CFAP54: variants seen among roughly 807,000 people sequenced by gnomAD.
CFAP54 encodes the protein cilia- and flagella-associated protein 54.
CFAP54 carries 290 observed loss-of-function variants against 370.4 expected under a neutral mutation model. That is an observed-to-expected ratio of 0.78 (90% CI 0.71 to 0.86). The LOEUF (loss-of-function observed/expected upper bound fraction) is 0.86, where lower values mean the gene tolerates loss of function less well. Among genes scored for constraint, CFAP54 ranks in the 40% least tolerant of loss-of-function variants. CFAP54 has a pLI of 0.00. For missense variants in CFAP54, 3,399 were observed against 3,528.7 expected, an observed-to-expected ratio of 0.96 and a Z score of 0.93; for synonymous variants, 1,206 against 1,236.5, an observed-to-expected ratio of 0.98 and a Z score of 0.52.
Position 96,512,979 on chromosome 12 carries a change from C to A in CFAP54, c.740-7C>A. ...AAAACATGTTAACAATCGTTTTCTC[C>A]ATCCAGGTACCATTTATATTTACAC... On this transcript the variant is annotated splice_polypyrimidine_tract_variant and splice_region_variant and intron_variant, in intron 4 of 67. Coordinates refer to ENST00000524981, the MANE Select transcript of CFAP54 (RefSeq NM_001306084.2). 2.0e-6 allele frequency: 3 copies of A among 1,505,104 alleles called. No individual in the cohort carries two copies. Among genetic ancestry groups the A allele is most frequent in the Middle Eastern group, 3.4e-4 (2 of 5,922 alleles). 93.2% of individuals were successfully genotyped at this position (1,505,104 alleles called of 1,614,324 possible).
At chr12:96,515,201 G>T (rs1209773778) in intron 5 of CFAP54, among the ~76,000 whole-genome samples, 1 of 151,924 alleles carries the variant, frequency 6.6e-6, no homozygotes, top group Non-Finnish European at 1.5e-5. Context: ...TAGAGATGGG[G>T]TTTCATCATA....
intron 46 of CFAP54, among the ~76,000 whole-genome samples, chr12:96,703,448 T>G (rs1183070832): frequency 1.3e-5 from 2 of 152,100 alleles, no homozygotes; most frequent in Non-Finnish European, 2.9e-5. Context: ...AACCTGTCCA[T>G]GGAAGCTGCT....
rs545739475 is a variant in CFAP54, at chr12:96,618,542, C to T, written c.3640-3048C>T. On this transcript the variant is annotated intron_variant, in intron 26 of 67. Transcript: ENST00000524981. Reference sequence around the variant, plus strand: ...CTTCCCTTAACATTTCCTCTGTGGACAGGAAGCAAGGTCATTTGCTGACAG... The same window carrying T: ...CTTCCCTTAACATTTCCTCTGTGGATAGGAAGCAAGGTCATTTGCTGACAG... Among the ~76,000 whole-genome samples the T allele has an allele frequency of 2.0e-3, 304 of 152,212 alleles. 2 individuals carry two copies. The highest frequency in any genetic ancestry group is 3.1e-3 in the Non-Finnish European group (209 of 68,032).
intron 6 of CFAP54, among the ~76,000 whole-genome samples, chr12:96,520,200 T>A (rs1341564235): frequency 7.2e-5 from 11 of 152,128 alleles, no homozygotes. Context: ...ATACACTCTA[T>A]TTTTTGTTTT....
At chr12:96,603,185 GT>G (rs1956263211) in intron 26 of CFAP54, among the ~76,000 whole-genome samples, 1 of 152,164 alleles carries the variant, frequency 6.6e-6, no homozygotes, top group Non-Finnish European at 1.5e-5. Flanking sequence ...TTACTTGTCT[GT>G]AAGGGATTTC....
intron 50 of CFAP54, among the ~76,000 whole-genome samples, chr12:96,720,904 C>A (rs1957743810): frequency 6.6e-6 from 1 of 151,960 alleles, no homozygotes; most frequent in Non-Finnish European, 1.5e-5. Context: ...CATGTAATCC[C>A]AGCTACTCGG....
chr12:96,694,761 C>G (rs899510634), intron 45 of CFAP54, among the ~76,000 whole-genome samples: 3 of 151,862 alleles, frequency 2.0e-5, no homozygotes, highest in Non-Finnish European at 2.9e-5. Flanking sequence ...TGATGTCTCA[C>G]GCCTGTAATC....
intron 17 of CFAP54, among the ~76,000 whole-genome samples, chr12:96,556,566 A>G (rs1246882894): frequency 6.6e-6 from 1 of 152,140 alleles, no homozygotes; most frequent in Non-Finnish European, 1.5e-5. Flanking sequence ...CCTGAACTGC[A>G]GCTCACTGAG....
intron 19 of CFAP54, among the ~76,000 whole-genome samples, chr12:96,569,930 A>AT (rs199506337): frequency 6.0e-4 from 91 of 150,972 alleles, no homozygotes; most frequent in South Asian, 1.3e-3. Context: ...ATTCTATCTG[A>AT]TTTTTTTTTA....
chr12:96,582,427 G>A (rs1956041213), intron 22 of CFAP54, among the ~76,000 whole-genome samples: 1 of 152,016 alleles, frequency 6.6e-6, no homozygotes, highest in African/African-American at 2.4e-5. Context: ...TCTCTTAATA[G>A]TTGATTAGTA....
chr12:96,803,345 T>C (rs1428569592), intron 63 of CFAP54, among the ~76,000 whole-genome samples: 1 of 152,134 alleles, frequency 6.6e-6, no homozygotes, highest in African/African-American at 2.4e-5. Context: ...TCCTGACTTT[T>C]TGATGATCAC....
chr12:96,612,817 C>T (rs1032393549), intron 26 of CFAP54, among the ~76,000 whole-genome samples: 1 of 152,154 alleles, frequency 6.6e-6, no homozygotes, highest in Non-Finnish European at 1.5e-5. Flanking sequence ...ACAAGAAGAG[C>T]TAACTATCCT....
intron 49 of CFAP54, 109 bp downstream of exon 49, chr12:96,718,631 C>A: frequency 1.6e-6 from 1 of 635,990 alleles, no homozygotes; most frequent in Non-Finnish European, 2.7e-6. Flanking sequence ...AGAGCAGTTA[C>A]CTTTTCTTGT....
intron 1 of CFAP54, among the ~76,000 whole-genome samples, chr12:96,495,827 C>T (rs533440686): frequency 7.5e-4 from 114 of 152,142 alleles, no homozygotes; most frequent in African/African-American, 2.7e-3. Context: ...ATTATATAAT[C>T]TTGATTGATT....
chr12:96,517,151 T>C (rs1448133989), intron 5 of CFAP54, among the ~76,000 whole-genome samples: 1 of 152,158 alleles, frequency 6.6e-6, no homozygotes, highest in Non-Finnish European at 1.5e-5. Flanking sequence ...CTGTTTAAAC[T>C]TGAAAGATGG....
rs1565934099 is a variant in CFAP54 at position 96,664,688 on chromosome 12, GGTATATATCTATATATAT to G, written c.5563+757_5563+774del. On this transcript the variant is annotated intron_variant, in intron 39 of 67. Coordinates refer to ENST00000524981, the MANE Select transcript of CFAP54 (RefSeq NM_001306084.2). ...TAATAGAACAATTTATATTCCTTTGGGTATATATCTATATATATATATATATCTATATATATCTATATA... is the reference window on the plus strand; with the variant it reads ...TAATAGAACAATTTATATTCCTTTGGATATATATCTATATATATCTATATA... Among the ~76,000 whole-genome samples the G allele has an allele frequency of 5.7e-4, 51 of 88,838 alleles. 2 individuals are homozygous for G. Among genetic ancestry groups the G allele is most frequent in the African/African-American group, 2.3e-3 (45 of 19,414 alleles). 58.3% of individuals were successfully genotyped at this position (88,838 alleles called of 152,430 possible).
At chr12:96,867,242 G>T (rs1305241337) in intron 67 of CFAP54, among the ~76,000 whole-genome samples, 1 of 151,992 alleles carries the variant, frequency 6.6e-6, no homozygotes, top group East Asian at 1.9e-4. Flanking sequence ...TTATTCATTA[G>T]TCTGGTCCTC....
intron 32 of CFAP54, among the ~76,000 whole-genome samples, chr12:96,636,190 C>T (rs1956662755): frequency 6.6e-6 from 1 of 152,162 alleles, no homozygotes; most frequent in African/African-American, 2.4e-5. Context: ...GTTTGAAGAC[C>T]TCTCTGTGCC....
chr12:96,493,890 GAAAA>G (rs1225984239), intron 1 of CFAP54, among the ~76,000 whole-genome samples: 1 of 152,136 alleles, frequency 6.6e-6, no homozygotes, highest in Non-Finnish European at 1.5e-5. Flanking sequence ...AAAAGAAAAA[GAAAA>G]AGAGAAGAGG....
Sources: allele counts gnomAD v4.1 joint callset (sites outside exome capture counted in the v4.1 genomes callset), GRCh38; gene constraint gnomAD v4.1.1; transcripts MANE v1.5; gene names NCBI Gene and HGNC (gene_info 2026-07-23, HGNC 2026-07-21).